The following ENTPD1 variants were observed in gnomAD, a reference collection of about 807,000 sequenced individuals.
The protein encoded by ENTPD1 is ectonucleoside triphosphate diphosphohydrolase 1.
Under a neutral mutation model 57.0 loss-of-function variants are expected in ENTPD1, and 33 were observed. The observed-to-expected ratio is 0.58, with a 90% CI of 0.44 to 0.77. ENTPD1 has a LOEUF of 0.77. Among genes scored for constraint, ENTPD1 ranks in the 30% least tolerant of loss-of-function variants. The pLI is 0.00. For missense variants in ENTPD1, 501 were observed against 603.4 expected (o/e 0.83, Z 1.78); for synonymous variants, 202 against 218.8 (o/e 0.92, Z 0.68).
rs202238278 is a variant in ENTPD1 at position 95,825,537 on chromosome 10, TTTTG to T, written c.144+2189_144+2192del. Among the ~76,000 whole-genome samples the T allele has an allele frequency of 1.0e-2, 1,522 of 152,282 alleles. 12 individuals carry two copies. The highest frequency in any genetic ancestry group is 0.015 in the Non-Finnish European group (1,029 of 68,012). On this transcript the variant is annotated intron_variant, in intron 2 of 9. Transcript: ENST00000371205. ...TTGGATATTTGTACTGATACATGTT[TTTTG>T]TTTGTTTGTTTGTTTTTTGTTTCTT...
In ENTPD1 at chr10:95,868,818, C is replaced by G. The variant is rs575816402; in HGVS notation, c.*2435C>G. 9.1e-6 allele frequency: 9 copies of G among 985,304 alleles called. No individual in the cohort carries two copies. The African/African-American group carries it at 1.0e-4, about 11-fold the overall frequency. The allele number at this position is 985,304 out of a possible 1,614,324, so 61.0% of individuals were successfully genotyped here. A position where few individuals can be genotyped will look rare whatever the true frequency, so the allele number is the denominator to read the frequency against. ...ACACAAATCTTTTCTTATTCCATTC[C>G]TGTTTGGTTGCCTACGTCCAATCTC... is the stretch of plus-strand genomic sequence containing the variant. On this transcript the variant is annotated 3_prime_UTR_variant, in exon 10 of 10. Coordinates refer to ENST00000371205, the MANE Select transcript of ENTPD1 (RefSeq NM_001776.6).
At chr10:95,744,327 A>G (rs2098003741) in intron 1 of ENTPD1, among the ~76,000 whole-genome samples, 1 of 152,016 alleles carries the variant, frequency 6.6e-6, no homozygotes, top group Non-Finnish European at 1.5e-5. Flanking sequence ...GGTCCTGTAG[A>G]CTTTACTCAC....
rs369557446 is a variant in ENTPD1, at chr10:95,756,200, G to A, written c.-40G>A. 63 of 1,581,532 alleles carry A rather than the reference G, an allele frequency of 4.0e-5. No individual in the cohort carries two copies. Among genetic ancestry groups the A allele is most frequent in the African/African-American group, 3.7e-4 (27 of 73,922 alleles). ...CACAGCAAGCAGAGGCTGGGGGGGG[G>A]AAAGACGAGGAAAGAGGAGGAAAAC... On this transcript the variant is annotated 5_prime_UTR_variant, in exon 1 of 10. Transcript: ENST00000371205.
intron 8 of ENTPD1, among the ~76,000 whole-genome samples, chr10:95,864,272 A>T (rs940494851): frequency 6.6e-6 from 1 of 152,192 alleles, no homozygotes; most frequent in Non-Finnish European, 1.5e-5. Context: ...GGTAGTTTTA[A>T]GGTGAGGACT....
At chr10:95,798,427 A>C (rs2098235451) in intron 1 of ENTPD1, among the ~76,000 whole-genome samples, 2 of 152,308 alleles carry the variant, frequency 1.3e-5, no homozygotes, top group South Asian at 2.1e-4. Flanking sequence ...AGAGAACTGA[A>C]GGGGAGAGAA....
chr10:95,819,546 C>G (rs1052494360), intron 1 of ENTPD1, among the ~76,000 whole-genome samples: 1 of 152,076 alleles, frequency 6.6e-6, no homozygotes, highest in Admixed American at 6.6e-5. Context: ...TCAAAAGAAC[C>G]TTTGCTTCCT....
chr10:95,721,058 C>T lies in ENTPD1; in HGVS notation c.37+9065C>T, dbSNP rs969599213. Among the ~76,000 whole-genome samples, 3 of 152,252 alleles carry T rather than the reference C, an allele frequency of 2.0e-5. No homozygotes were observed. In the East Asian group the frequency reaches 5.8e-4, roughly 29 times the overall value. On this transcript the variant is annotated intron_variant, in intron 1 of 9. Transcript: ENST00000453258. Reference sequence around the variant, plus strand: ...TTTGAAGTGTTTTTTTTTATGTCTGCAGCTGACTGACTGATAAACTTATCC... The same window carrying T: ...TTTGAAGTGTTTTTTTTTATGTCTGTAGCTGACTGACTGATAAACTTATCC...
At chr10:95,723,101 G>C (rs114098193) in intron 1 of ENTPD1, among the ~76,000 whole-genome samples, 5,678 of 152,270 alleles carry the variant, frequency 0.037, 131 homozygotes, top group Non-Finnish European at 0.049. Flanking sequence ...AGTGGTCTCA[G>C]TGTTTTCAGG....
At chr10:95,695,834 T>C in the ENTPD1 span, among the ~76,000 whole-genome samples, 3 of 152,214 alleles carry the variant, frequency 2.0e-5, no homozygotes, top group African/African-American at 7.2e-5. Flanking sequence ...TAAAAATATA[T>C]TAAAAATTGT....
At chr10:95,762,063 A>C (rs1228354728) in intron 1 of ENTPD1, among the ~76,000 whole-genome samples, 1 of 152,182 alleles carries the variant, frequency 6.6e-6, no homozygotes. Flanking sequence ...TCCAGAGTAG[A>C]GGTTGTCTAA....
At chr10:95,702,115 A>G in the ENTPD1 span, among the ~76,000 whole-genome samples, 1 of 152,080 alleles carries the variant, frequency 6.6e-6, no homozygotes, top group Non-Finnish European at 1.5e-5. Flanking sequence ...TGATAAAACC[A>G]ATAGCTGGTT....
intron 1 of ENTPD1, among the ~76,000 whole-genome samples, chr10:95,727,210 CA>C (rs778671217): frequency 6.6e-6 from 1 of 152,080 alleles, no homozygotes; most frequent in Non-Finnish European, 1.5e-5. Context: ...TGAATTTTCC[CA>C]TTTATTTGAG....
At chr10:95,715,464 T>G (rs2097970470) in intron 1 of ENTPD1, among the ~76,000 whole-genome samples, 1 of 152,010 alleles carries the variant, frequency 6.6e-6, no homozygotes. Context: ...TTAGGCAACA[T>G]GTAGTTAGAT....
intron 1 of ENTPD1, among the ~76,000 whole-genome samples, chr10:95,771,741 C>T (rs1317786624): frequency 6.6e-6 from 1 of 152,198 alleles, no homozygotes; most frequent in African/African-American, 2.4e-5. Context: ...AAGATGTACA[C>T]TTCTCAGATA....
chr10:95,755,880 G>A (rs1218123922), upstream of ENTPD1: 6 of 1,518,214 alleles, frequency 4.0e-6, no homozygotes, highest in African/African-American at 6.9e-5. Flanking sequence ...ACGAAGAGAG[G>A]GAGAGAGAGA....
intron 1 of ENTPD1, among the ~76,000 whole-genome samples, chr10:95,812,703 C>A (rs914459738): frequency 1.3e-5 from 2 of 152,210 alleles, no homozygotes; most frequent in Non-Finnish European, 2.9e-5. Context: ...CCATCCCTAG[C>A]AGCAAGGCAC....
intron 7 of ENTPD1, 116 bp from the exon 8 acceptor site, chr10:95,860,353 G>A: frequency 1.2e-6 from 1 of 800,238 alleles, no homozygotes; most frequent in Non-Finnish European, 2.1e-6. Context: ...CACTTTGTGT[G>A]TTAATTTACT....
rs1589662003 is a variant in ENTPD1 at position 95,741,536 on chromosome 10, T to C, written c.37+29543T>C. Among the ~76,000 whole-genome samples the C allele has an allele frequency of 2.0e-5, 3 of 152,340 alleles. No individual in the cohort carries two copies. The South Asian group carries it at 6.2e-4, about 32-fold the overall frequency. ...CATGGTACTGCAATAATGGCACTGA[T>C]AGACTTGTTCAATGCAGGGTCGCTA... is the stretch of plus-strand genomic sequence containing the variant. On this transcript the variant is annotated intron_variant, in intron 1 of 9. Coordinates refer to the ENTPD1 transcript ENST00000453258.
In ENTPD1 at chr10:95,873,629, T is replaced by C; in HGVS notation, c.*7246T>C. On this transcript the variant is annotated 3_prime_UTR_variant, in exon 10 of 10. Coordinates refer to ENST00000371205, the MANE Select transcript of ENTPD1 (RefSeq NM_001776.6). ...TCCTGTCTATGGATGTTTCCTTCTG[T>C]CACTCTACTAGGGATGAAACAGCTA... 1.0e-6 allele frequency: 1 copy of C among 985,448 alleles called. No individual in the cohort carries two copies. The highest frequency in any genetic ancestry group is 1.2e-6 in the Non-Finnish European group (1 of 829,934). The allele number at this position is 985,448 out of a possible 1,614,324, so 61.0% of individuals were successfully genotyped here. A position where few individuals can be genotyped will look rare whatever the true frequency, so the allele number is the denominator to read the frequency against.
Sources: gnomAD v4.1 joint callset for allele counts (sites outside exome capture counted in the v4.1 genomes callset) on GRCh38, gnomAD v4.1.1 for gene constraint, MANE v1.5 for transcripts, NCBI Gene and HGNC (gene_info 2026-07-23, HGNC 2026-07-21) for gene names.